Variants in SHISA6 observed in about 807,000 individuals in gnomAD.
The protein encoded by SHISA6 is protein shisa-6.
A neutral mutation model predicts 47.9 loss-of-function variants in SHISA6; 22 were observed. The observed-to-expected ratio is 0.46, with a 90% CI of 0.33 to 0.66. The LOEUF is 0.66. Ranked by LOEUF, SHISA6 falls within the 30% of genes least tolerant of loss-of-function variation. The pLI is 0.02. For missense variants in SHISA6, 680 were observed against 764.6 expected, an observed-to-expected ratio of 0.89 and a Z score of 1.30; for synonymous variants, 388 against 337.8, an observed-to-expected ratio of 1.15 and a Z score of -1.63.
chr17:11,241,583 G>T lies in SHISA6; in HGVS notation c.161G>T (p.Gly54Val). ...GRRAGGALAR[G>V]GRELNGTARA... ...AGGGCCGGGGGCGCCCTGGCACGGGGCGGCCGCGAGCTGAACGGCACCGCC... is the reference window on the plus strand; with the variant it reads ...AGGGCCGGGGGCGCCCTGGCACGGGTCGGCCGCGAGCTGAACGGCACCGCC... Residue 54 changes from glycine (G) to valine (V), a missense_variant, in exon 1 of 6, where the codon GGC (glycine) becomes GTC (valine). Physicochemically the swap from Gly to Val is moderately radical, Grantham distance 109 (BLOSUM62 -3). Transcript: ENST00000441885. The surrounding 1 kb of genome is among the most constrained non-coding windows in gnomAD (Gnocchi z 5.5). 8.7e-7 allele frequency: 1 copy of T among 1,143,858 alleles called. No individual in the cohort carries two copies. The highest frequency in any genetic ancestry group is 1.1e-6 in the Non-Finnish European group (1 of 934,448). The allele number at this position is 1,143,858 out of a possible 1,614,324, so 70.9% of individuals were successfully genotyped here.
chr17:11,467,323 A>G (rs3095673), intron 3 of SHISA6, among the ~76,000 whole-genome samples: 53,958 of 151,796 alleles, frequency 0.36, 9,908 homozygotes, highest in African/African-American at 0.42. Flanking sequence ...TCAAAGATAA[A>G]CCACCACCAC....
intron 3 of SHISA6, among the ~76,000 whole-genome samples, chr17:11,510,523 G>T (rs2071533213): frequency 6.6e-6 from 1 of 152,192 alleles, no homozygotes. Context: ...GACTGTCTAG[G>T]TAGTGCTTAA....
At chr17:11,271,660 A>T (rs1313026319) in intron 2 of SHISA6, among the ~76,000 whole-genome samples, 1 of 132,064 alleles carries the variant, frequency 7.6e-6, no homozygotes, top group Non-Finnish European at 1.5e-5. Flanking sequence ...GGGTTTCACC[A>T]TGTTGGCCAG....
intron 2 of SHISA6, among the ~76,000 whole-genome samples, chr17:11,263,832 T>C (rs1023270395): frequency 6.6e-6 from 1 of 152,156 alleles, no homozygotes; most frequent in African/African-American, 2.4e-5. Context: ...GGTATGGCCA[T>C]CCATTCGCCC....
At chr17:11,386,506 G>A (rs1034179349) in intron 3 of SHISA6, among the ~76,000 whole-genome samples, 7 of 152,208 alleles carry the variant, frequency 4.6e-5, no homozygotes, top group Non-Finnish European at 8.8e-5. Flanking sequence ...AATGAGAGCA[G>A]TAGTCAGCCA....
chr17:11,343,761 T>C (rs1175269968), intron 2 of SHISA6, among the ~76,000 whole-genome samples: 1 of 152,202 alleles, frequency 6.6e-6, no homozygotes, highest in Admixed American at 6.5e-5. Flanking sequence ...TATGGAGTCA[T>C]CCAGCTGCTA....
chr17:11,287,505 G>T (rs1401764914), intron 2 of SHISA6, among the ~76,000 whole-genome samples: 3 of 150,760 alleles, frequency 2.0e-5, no homozygotes, highest in African/African-American at 7.3e-5. Context: ...AGGCAAAATG[G>T]TGAGACTCCA....
intron 2 of SHISA6, among the ~76,000 whole-genome samples, chr17:11,284,007 C>G (rs1909211845): frequency 6.6e-6 from 1 of 152,158 alleles, no homozygotes; most frequent in Non-Finnish European, 1.5e-5. Flanking sequence ...AATTCTTACA[C>G]TTCACAGGAA....
intron 3 of SHISA6, among the ~76,000 whole-genome samples, chr17:11,471,225 A>AG (rs1312479637): frequency 6.6e-6 from 1 of 151,430 alleles, no homozygotes; most frequent in African/African-American, 2.4e-5. Flanking sequence ...AAAAAAAAAA[A>AG]AAAGGAAAGA....
At chr17:11,307,841 A>G (rs1238097050) in intron 2 of SHISA6, among the ~76,000 whole-genome samples, 1 of 151,104 alleles carries the variant, frequency 6.6e-6, no homozygotes, top group Non-Finnish European at 1.5e-5. Context: ...AAATTGTTAC[A>G]TAGATAGGAT....
intron 3 of SHISA6, among the ~76,000 whole-genome samples, chr17:11,389,909 G>A (rs898491041): frequency 2.0e-5 from 3 of 152,192 alleles, no homozygotes; most frequent in Non-Finnish European, 4.4e-5. Flanking sequence ...TCAAACCCCA[G>A]GAAGGTGGTA....
chr17:11,338,603 G>T (rs1482184686), intron 2 of SHISA6, among the ~76,000 whole-genome samples: 1 of 151,594 alleles, frequency 6.6e-6, no homozygotes, highest in East Asian at 1.9e-4. Context: ...TAGAGATGGG[G>T]TTTCACCGTG....
intron 3 of SHISA6, among the ~76,000 whole-genome samples, chr17:11,433,286 T>G (rs1035410372): frequency 6.6e-6 from 1 of 152,230 alleles, no homozygotes; most frequent in South Asian, 2.1e-4. Context: ...CCTGTGTCCA[T>G]GTGTTCTCAT....
chr17:11,382,614 C>T lies in SHISA6; in HGVS notation c.895+3105C>T, dbSNP rs529538542. Among the ~76,000 whole-genome samples the T allele has an allele frequency of 3.9e-5, 6 of 152,294 alleles. No homozygotes were observed. The South Asian group carries it at 1.2e-3, about 32-fold the overall frequency. On this transcript the variant is annotated intron_variant, in intron 3 of 5. Coordinates refer to ENST00000441885, the MANE Select transcript of SHISA6 (RefSeq NM_207386.4). ...ATTCTCTTTGTTTTATTTCTCTATC[C>T]TTTGTTTCAACTTCAGTGACTCTCT...
intron 2 of SHISA6, among the ~76,000 whole-genome samples, chr17:11,276,064 G>A (rs1015826960): frequency 1.3e-5 from 2 of 151,828 alleles, no homozygotes; most frequent in East Asian, 3.9e-4. Context: ...TGCAACCTCC[G>A]CCTCTGGGGT....
rs191863099 is a variant in SHISA6 at position 11,550,499 on chromosome 17, G to C, written c.896-1397G>C. Reference sequence around the variant, plus strand: ...AGCTAAAAGAAATCTTGACAAAAAGGTCTATTATGGGCCTGGATTTAGGAG... The same window carrying C: ...AGCTAAAAGAAATCTTGACAAAAAGCTCTATTATGGGCCTGGATTTAGGAG... On this transcript the variant is annotated intron_variant, in intron 3 of 5. Coordinates refer to ENST00000441885, the MANE Select transcript of SHISA6 (RefSeq NM_207386.4). Among the ~76,000 whole-genome samples the C allele has an allele frequency of 3.0e-3, 461 of 152,292 alleles. 4 individuals are homozygous for C. Among genetic ancestry groups the C allele is most frequent in the African/African-American group, 0.011 (438 of 41,556 alleles).
rs570281121 is a variant in SHISA6, at chr17:11,547,105, A to C, written c.896-4791A>C. Among the ~76,000 whole-genome samples, 23 of 152,346 alleles carry C rather than the reference A, an allele frequency of 1.5e-4. 1 individual carries two copies. The highest frequency in any genetic ancestry group is 5.5e-4 in the African/African-American group (23 of 41,580). ...GAGGAAGTGATGGGAACACAAGAGT[A>C]GTGGAAGACCTTAACACATCACCCT... On this transcript the variant is annotated intron_variant, in intron 3 of 5. Transcript: ENST00000441885.
intron 2 of SHISA6, chr17:11,288,454 T>C (rs1909401626): frequency 6.6e-6 from 1 of 152,136 alleles, no homozygotes; most frequent in Non-Finnish European, 1.5e-5. Context: ...TTTTCCTCCT[T>C]CTCTCACTAA....
In SHISA6 at chr17:11,295,832, G is replaced by A. The variant is rs191841874; in HGVS notation, c.799+32306G>A. Among the ~76,000 whole-genome samples the A allele has an allele frequency of 1.0e-3, 155 of 151,948 alleles. 1 individual carries two copies. In the East Asian group the frequency reaches 0.014, roughly 14 times the overall value. On this transcript the variant is annotated intron_variant, in intron 2 of 5. Transcript: ENST00000441885. Reference sequence around the variant, plus strand: ...CAAAAAATTAGCTGGGCGTGGTGGCGGGCGCCTGTGGTCCCAGCTACTCAG... The same window carrying A: ...CAAAAAATTAGCTGGGCGTGGTGGCAGGCGCCTGTGGTCCCAGCTACTCAG...
Sources: allele counts gnomAD v4.1 joint callset (sites outside exome capture counted in the v4.1 genomes callset), GRCh38; gene constraint gnomAD v4.1.1; non-coding constraint Gnocchi (gnomAD v3.1); transcripts MANE v1.5; gene names NCBI Gene and HGNC (gene_info 2026-07-23, HGNC 2026-07-21).